The following PRKCI variants were observed in gnomAD, a reference collection of about 807,000 sequenced individuals.
The protein encoded by PRKCI is protein kinase C iota type.
PRKCI carries 43 observed loss-of-function variants against 84.0 expected under a neutral mutation model. The observed-to-expected ratio is 0.51, with a 90% confidence interval of 0.40 to 0.66. The LOEUF (loss-of-function observed/expected upper bound fraction) is 0.66, where lower values mean the gene tolerates loss of function less well. Among genes scored for constraint, PRKCI ranks in the 30% least tolerant of loss-of-function variants. The pLI is 0.00. For synonymous variants in PRKCI, 216 were observed against 234.4 expected (o/e 0.92, Z 0.72); for missense variants, 459 against 745.6 (o/e 0.62, Z 4.48).
intron 1 of PRKCI, among the ~76,000 whole-genome samples, chr3:170,225,930 G>A (rs942271270): frequency 6.7e-6 from 1 of 149,358 alleles, no homozygotes; most frequent in Non-Finnish European, 1.5e-5. Flanking sequence ...TTATTTTTTT[G>A]GAGATGGAGT....
chr3:170,301,083 T>TA lies in PRKCI; in HGVS notation c.1704-1956dup, dbSNP rs536515121. On this transcript the variant is annotated intron_variant, in intron 17 of 17. Coordinates refer to ENST00000295797, the MANE Select transcript of PRKCI (RefSeq NM_002740.6). ...CAAATGGTTATTGAGCAAAAGGTGT[T>TA]ATGGTAAATACTAGACATTCAAAGA... Among the ~76,000 whole-genome samples the TA allele has an allele frequency of 2.0e-5, 3 of 152,304 alleles. 1 individual carries two copies. The South Asian group carries it at 6.2e-4, about 32-fold the overall frequency.
rs1734862316 is a variant in PRKCI at position 170,303,110 on chromosome 3, G to T, written c.1774G>T (p.Ala592Ser). 6.2e-7 allele frequency: 1 copy of T among 1,600,030 alleles called. No individual in the cohort carries two copies. Among genetic ancestry groups the T allele is most frequent in the Admixed American group, 1.7e-5 (1 of 58,358 alleles). ...FEYINPLLMS[A>S]EECV The stretch of plus-strand genomic sequence containing the variant: ...GTATATCAATCCTCTTTTGATGTCT[G>T]CAGAAGAATGTGTCTGATCCTCATT... Residue 592 changes from alanine (A) to serine (S), a missense_variant, in exon 18 of 18, where the codon GCA becomes TCA. By Grantham distance (99) the Ala-to-Ser change is moderately conservative. Transcript: ENST00000295797.
At chr3:170,252,576 TC>T (rs1467152828) in intron 2 of PRKCI, among the ~76,000 whole-genome samples, 1 of 151,874 alleles carries the variant, frequency 6.6e-6, no homozygotes, top group Non-Finnish European at 1.5e-5. Flanking sequence ...AAGTACTAGA[TC>T]TTTTTTTTCT....
At chr3:170,301,990 C>CTAGTAGT (rs915029397) in intron 17 of PRKCI, among the ~76,000 whole-genome samples, 32 of 152,328 alleles carry the variant, frequency 2.1e-4, no homozygotes, top group African/African-American at 6.3e-4. Flanking sequence ...TCACCATTCC[C>CTAGTAGT]TAGTAGTATT....
At chr3:170,237,714 A>G (rs1266633706) in intron 2 of PRKCI, among the ~76,000 whole-genome samples, 2 of 152,210 alleles carry the variant, frequency 1.3e-5, no homozygotes, top group African/African-American at 2.4e-5. Flanking sequence ...GCTCCAAGCT[A>G]TAGGTAAACA....
chr3:170,275,315 A>G (rs553961036), intron 8 of PRKCI, 28 bp downstream of exon 8: 6 of 1,576,230 alleles, frequency 3.8e-6, no homozygotes, highest in South Asian at 2.4e-5. Context: ...ATTGTACATT[A>G]TATCATTAGC....
rs199832004 is a variant in PRKCI, at chr3:170,285,078, CT to C, written c.1203+501del. On this transcript the variant is annotated intron_variant, in intron 12 of 17. Coordinates refer to ENST00000295797, the MANE Select transcript of PRKCI (RefSeq NM_002740.6). ...TTACTCCCGGAATATGTCTTCATTT[CT>C]TTTTTTTTTTTTTTTTTTGAGACAG... 8.3e-3 allele frequency among the ~76,000 whole-genome samples: 1,079 copies of C among 129,798 alleles called. 8 individuals carry two copies. The highest frequency in any genetic ancestry group is 0.019 in the African/African-American group (675 of 35,230). The allele number at this position is 129,798 out of a possible 152,430, so 85.2% of individuals were successfully genotyped here.
Position 170,295,919 on chromosome 3 carries a change from G to T in PRKCI, c.1426G>T (p.Glu476Ter). The change falls in exon 15 of 18, where the codon GAA becomes TAA. Residue 476 changes from glutamate to a stop codon, truncating the protein, a stop_gained. Transcript: ENST00000295797. LOFTEE classifies it high-confidence loss of function. Reference protein sequence around the residue: ...TEDYLFQVILEKQIRIPRSLS... With the variant: ...TEDYLFQVIL ...AATTTTTATCTTTCTAGTTATTTTG[G>T]AAAAACAAATTCGCATACCACGTTC... 6.4e-7 allele frequency: 1 copy of T among 1,562,926 alleles called. No individual in the cohort carries two copies.
intron 17 of PRKCI, among the ~76,000 whole-genome samples, chr3:170,299,670 C>T (rs1210834614): frequency 1.3e-5 from 2 of 152,210 alleles, no homozygotes; most frequent in African/African-American, 4.8e-5. Flanking sequence ...TAGTTACTGT[C>T]ATCTTCGTTT....
At chr3:170,288,739 A>C (rs1286486549) in intron 12 of PRKCI, among the ~76,000 whole-genome samples, 1 of 152,228 alleles carries the variant, frequency 6.6e-6, no homozygotes, top group Non-Finnish European at 1.5e-5. Context: ...ACTGGGCAAC[A>C]GAGTGAGACT....
At chr3:170,231,510 G>A (rs957482313) in intron 1 of PRKCI, among the ~76,000 whole-genome samples, 1 of 151,798 alleles carries the variant, frequency 6.6e-6, no homozygotes, top group Non-Finnish European at 1.5e-5. Flanking sequence ...TGTCGCCCAG[G>A]CTGGAGTGTA....
At position 170,280,385 on chromosome 3, in the gene PRKCI, G is replaced by A. The variant is rs2108858673; in HGVS notation, c.864G>A (p.Glu288=). 4 of 1,613,372 alleles carry A rather than the reference G, an allele frequency of 2.5e-6. No homozygotes were observed. The highest frequency in any genetic ancestry group is 1.1e-5 in the South Asian group (1 of 91,002). The part of the protein sequence containing the change: ...RIYAMKVVKK[E]LVNDDEDIDW... ...ATGCAATGAAAGTTGTGAAAAAAGA[G>A]CTTGTTAATGATGATGAGGTAAGCA... Residue 288 remains glutamate, a synonymous_variant, in exon 9 of 18, where the codon GAG becomes GAA. Coordinates refer to ENST00000295797, the MANE Select transcript of PRKCI (RefSeq NM_002740.6).
At position 170,280,382 on chromosome 3, in the gene PRKCI, A is replaced by G. The variant is rs1472961176; in HGVS notation, c.861A>G (p.Lys287=). The change falls in exon 9 of 18, where the codon AAA becomes AAG. Residue 287 remains lysine, a synonymous_variant. Transcript: ENST00000295797. ...DRIYAMKVVK[K]ELVNDDEDID... is the part of the protein sequence containing the mutation. ...TTTATGCAATGAAAGTTGTGAAAAA[A>G]GAGCTTGTTAATGATGATGAGGTAA... is the stretch of plus-strand genomic sequence containing the variant. 6.2e-7 allele frequency: 1 copy of G among 1,613,736 alleles called. No homozygotes were observed. The highest frequency in any genetic ancestry group is 1.1e-5 in the South Asian group (1 of 91,006).
At chr3:170,245,442 G>A (rs551115063) in intron 2 of PRKCI, among the ~76,000 whole-genome samples, 1 of 152,280 alleles carries the variant, frequency 6.6e-6, no homozygotes, top group Admixed American at 6.5e-5. Context: ...GGTGTCGGAA[G>A]CATTGTGAGT....
chr3:170,247,822 C>CAGAAAA (rs1285087982), intron 2 of PRKCI, among the ~76,000 whole-genome samples: 1 of 151,418 alleles, frequency 6.6e-6, no homozygotes, highest in East Asian at 1.9e-4. Context: ...TTCCACCTCC[C>CAGAAAA]AGAAAAAGGA....
rs1363293041 is a variant in PRKCI, at chr3:170,261,102, A to G, written c.313+1044A>G. Among the ~76,000 whole-genome samples the G allele has an allele frequency of 2.0e-5, 3 of 149,636 alleles. No individual in the cohort carries two copies. The East Asian group carries it at 5.9e-4, about 29-fold the overall frequency. On this transcript the variant is annotated intron_variant, in intron 3 of 17. Transcript: ENST00000295797. Reference sequence around the variant, plus strand: ...CTCCTGAGTAACTGAGACCACAGGCACTGCCGCACCACTATGACTGGCTAA... The same window carrying G: ...CTCCTGAGTAACTGAGACCACAGGCGCTGCCGCACCACTATGACTGGCTAA...
chr3:170,248,676 C>T (rs958582462), intron 2 of PRKCI, among the ~76,000 whole-genome samples: 32 of 152,234 alleles, frequency 2.1e-4, no homozygotes, highest in African/African-American at 7.7e-4. Context: ...GAATCAGTAA[C>T]TCTTATTTTC....
At chr3:170,267,279 T>C (rs1733882427) in intron 4 of PRKCI, among the ~76,000 whole-genome samples, 1 of 152,124 alleles carries the variant, frequency 6.6e-6, no homozygotes, top group Non-Finnish European at 1.5e-5. Flanking sequence ...CATGAATAAT[T>C]GGTAAATCTC....
chr3:170,274,350 T>C (rs2108855669), intron 7 of PRKCI, among the ~76,000 whole-genome samples: 1 of 152,334 alleles, frequency 6.6e-6, no homozygotes, highest in Non-Finnish European at 1.5e-5. Context: ...GCCAAGCTGG[T>C]CTCGAATTCC....
Sources: allele counts gnomAD v4.1 joint callset (sites outside exome capture counted in the v4.1 genomes callset), GRCh38; gene constraint gnomAD v4.1.1; transcripts MANE v1.5; gene names NCBI Gene and HGNC (gene_info 2026-07-23, HGNC 2026-07-21).